Variants in MCTP1 observed in about 807,000 individuals in gnomAD.
The protein encoded by MCTP1 is multiple C2 and transmembrane domain-containing protein 1.
Under a neutral mutation model 120.6 loss-of-function variants are expected in MCTP1, and 69 were observed. The observed-to-expected ratio is 0.57, with a 90% CI of 0.47 to 0.70. MCTP1 has a LOEUF of 0.70. Ranked by LOEUF, MCTP1 falls within the 30% of genes least tolerant of loss-of-function variation. MCTP1 has a pLI of 0.00. For missense variants in MCTP1, 1,203 were observed against 1,248.8 expected, an observed-to-expected ratio of 0.96 and a Z score of 0.55; for synonymous variants, 529 against 493.1, an observed-to-expected ratio of 1.07 and a Z score of -0.96.
Position 94,708,589 on chromosome 5 carries a change from T to C in MCTP1, c.2851A>G (p.Lys951Glu). 2 of 1,608,916 alleles carry C rather than the reference T, an allele frequency of 1.2e-6. No individual in the cohort carries two copies. Among genetic ancestry groups the C allele is most frequent in the South Asian group, 2.2e-5 (2 of 90,904 alleles). The change falls in exon 22 of 23, where the codon AAG (lysine) becomes GAG (glutamate). Residue 951 changes from lysine (K) to glutamate (E), a missense_variant. Physicochemically the swap from Lys to Glu is moderately conservative, Grantham distance 56. Around this residue, in one of 2 missense-constraint regions of MCTP1, gnomAD observed 740 missense variants for 871.1 expected, o/e 0.85. Transcript: ENST00000515393. ...TCAATTGCATATGGACTCCGAAGCT[T>C]TTTTGTAAATTTATTGATGCCTGAA... Reference protein sequence around the residue: ...LVWGINKFTKKLRSPYAIDNN... With the variant: ...LVWGINKFTKELRSPYAIDNN...
rs771297699 is a variant in MCTP1 at position 95,284,121 on chromosome 5, G to C, written c.455C>G (p.Ser152Cys). The change falls in exon 1 of 23, where the codon TCC becomes TGC. Residue 152 changes from serine to cysteine, a missense_variant. This residue lies in a region of MCTP1 where 463 missense variants were observed against 377.8 expected (regional missense o/e 1.23). Coordinates refer to ENST00000515393, the MANE Select transcript of MCTP1 (RefSeq NM_024717.7). The surrounding 1 kb of genome is among the most constrained non-coding windows in gnomAD (Gnocchi z 5.2). ...GGAAGAGGAAGGAGCTGAGTCGGGG[G>C]AGCGTCCGCCAGGAGGCGTCCCTCC... Reference protein sequence around the residue: ...AAGGTPPGGRSPDSAPSSSSA... With the variant: ...AAGGTPPGGRCPDSAPSSSSA... The C allele has an allele frequency of 1.2e-5, 19 of 1,551,092 alleles. No homozygotes were observed. The South Asian group carries it at 2.2e-4, about 18-fold the overall frequency.
intron 2 of MCTP1, among the ~76,000 whole-genome samples, chr5:95,012,240 C>A (rs1413204739): frequency 6.6e-6 from 1 of 151,980 alleles, no homozygotes; most frequent in African/African-American, 2.4e-5. Context: ...TTCTAGACTG[C>A]CTACTTTCTA....
chr5:94,855,829 T>G (rs1794630149), intron 17 of MCTP1, among the ~76,000 whole-genome samples: 1 of 151,828 alleles, frequency 6.6e-6, no homozygotes, highest in South Asian at 2.1e-4. Context: ...CAATAACGTT[T>G]CTCTGATGAA....
intron 1 of MCTP1, among the ~76,000 whole-genome samples, chr5:95,068,470 T>G (rs1751251611): frequency 1.3e-5 from 2 of 152,214 alleles, no homozygotes; most frequent in African/African-American, 4.8e-5. Context: ...GACAGTCTAG[T>G]CTAATACGTC....
At chr5:94,770,883 A>G (rs536386384) in intron 19 of MCTP1, among the ~76,000 whole-genome samples, 1 of 152,296 alleles carries the variant, frequency 6.6e-6, no homozygotes, top group African/African-American at 2.4e-5. Flanking sequence ...ACCGTGCCTA[A>G]TCATCACCTA....
At chr5:94,925,073 C>T (rs1812707379) in intron 6 of MCTP1, among the ~76,000 whole-genome samples, 1 of 152,122 alleles carries the variant, frequency 6.6e-6, no homozygotes, top group African/African-American at 2.4e-5. Flanking sequence ...ATTTTACAAC[C>T]CCTATTCTCA....
intron 2 of MCTP1, among the ~76,000 whole-genome samples, chr5:94,965,083 T>C (rs1825259537): frequency 1.3e-5 from 2 of 152,190 alleles, no homozygotes; most frequent in Admixed American, 6.5e-5. Flanking sequence ...CTAAGAAGCA[T>C]CCTTTCATTT....
At chr5:95,009,051 GGAGAAAGAGAGAGAGA>G (rs1562009344) in intron 2 of MCTP1, among the ~76,000 whole-genome samples, 4 of 78,090 alleles carry the variant, frequency 5.1e-5, no homozygotes, top group Non-Finnish European at 7.1e-5. Flanking sequence ...AGTGAGAGAG[GGAGAAAGAGAGAGAGA>G]GAGAGAGAGA....
chr5:95,031,433 A>G (rs1182564036), intron 1 of MCTP1, among the ~76,000 whole-genome samples: 2 of 152,212 alleles, frequency 1.3e-5, no homozygotes, highest in Non-Finnish European at 2.9e-5. Flanking sequence ...CTAACAGTGG[A>G]CTTCTCAGCA....
chr5:94,747,243 A>G (rs1216976747), intron 19 of MCTP1, among the ~76,000 whole-genome samples: 1 of 152,210 alleles, frequency 6.6e-6, no homozygotes, highest in Non-Finnish European at 1.5e-5. Flanking sequence ...AATTCTGACA[A>G]TGGTCATGCT....
intron 1 of MCTP1, among the ~76,000 whole-genome samples, chr5:95,033,799 G>A (rs1427235914): frequency 3.3e-5 from 5 of 151,944 alleles, no homozygotes; most frequent in Admixed American, 6.6e-5. Flanking sequence ...CACTGACAAC[G>A]TGATCCAATA....
chr5:94,993,647 A>G (rs1832044021), intron 2 of MCTP1, among the ~76,000 whole-genome samples: 1 of 152,182 alleles, frequency 6.6e-6, no homozygotes, highest in African/African-American at 2.4e-5. Context: ...CTCTCCAGCA[A>G]TCCAACCCAC....
intron 1 of MCTP1, among the ~76,000 whole-genome samples, chr5:95,261,384 GA>G (rs986456337): frequency 6.6e-6 from 1 of 151,870 alleles, no homozygotes; most frequent in East Asian, 1.9e-4. Flanking sequence ...TTCTGTAGCT[GA>G]AAAAAAAGAT....
chr5:95,110,967 T>C (rs1217088294), intron 1 of MCTP1, among the ~76,000 whole-genome samples: 1 of 152,182 alleles, frequency 6.6e-6, no homozygotes, highest in Non-Finnish European at 1.5e-5. Flanking sequence ...TCTTTCCCAG[T>C]AGTAGGCTCC....
chr5:94,853,946 A>G (rs562724261), intron 17 of MCTP1, among the ~76,000 whole-genome samples: 3 of 151,846 alleles, frequency 2.0e-5, no homozygotes, highest in Non-Finnish European at 4.4e-5. Context: ...TGGACATGAA[A>G]TGTGGTAGAC....
At chr5:95,269,828 T>C (rs963715150) in intron 1 of MCTP1, among the ~76,000 whole-genome samples, 2 of 152,204 alleles carry the variant, frequency 1.3e-5, no homozygotes, top group African/African-American at 4.8e-5. Flanking sequence ...GAATTTCCCA[T>C]ACATAAAATG....
intron 17 of MCTP1, among the ~76,000 whole-genome samples, chr5:94,864,032 C>A (rs564835276): frequency 2.4e-4 from 36 of 151,776 alleles, no homozygotes; most frequent in African/African-American, 8.7e-4. Context: ...TTCAAAAGGA[C>A]CCAGAAAAAA....
At chr5:94,983,057 T>G (rs1394358983) in intron 2 of MCTP1, among the ~76,000 whole-genome samples, 1 of 152,028 alleles carries the variant, frequency 6.6e-6, no homozygotes, top group Non-Finnish European at 1.5e-5. Flanking sequence ...GGGGGACACA[T>G]GTAAAGTACC....
chr5:95,009,441 G>T (rs961224123), intron 2 of MCTP1, among the ~76,000 whole-genome samples: 2 of 151,850 alleles, frequency 1.3e-5, no homozygotes, highest in Non-Finnish European at 2.9e-5. Context: ...AAATATAAAT[G>T]ATTTTAAAAA....
Sources: gnomAD v4.1 joint callset for allele counts (sites outside exome capture counted in the v4.1 genomes callset) on GRCh38, gnomAD v4.1.1 for gene constraint, gnomAD v4.1.1 regional missense constraint, Gnocchi (gnomAD v3.1) non-coding constraint, MANE v1.5 for transcripts, NCBI Gene and HGNC (gene_info 2026-07-23, HGNC 2026-07-21) for gene names.